The following NPAS3 variants were observed in gnomAD, a reference collection of about 807,000 sequenced individuals.
NPAS3 encodes the protein neuronal PAS domain-containing protein 3.
Under a neutral mutation model 73.1 loss-of-function variants are expected in NPAS3, and 14 were observed. The ratio of observed to expected loss-of-function variants is 0.19; its 90% CI spans 0.13 to 0.30. The LOEUF (loss-of-function observed/expected upper bound fraction) is 0.30. Among genes scored for constraint, NPAS3 ranks in the 10% least tolerant of loss-of-function variants. The probability of loss-of-function intolerance (pLI) is 1.00; values close to 1 mark genes in which losing one functional copy is unlikely to be tolerated. For missense variants in NPAS3, 1,096 were observed against 1,250.0 expected (o/e 0.88, Z 1.86); for synonymous variants, 620 against 541.5 (o/e 1.14, Z -2.01).
chr14:33,038,815 G>A (rs551116271), intron 1 of NPAS3, among the ~76,000 whole-genome samples: 2 of 152,220 alleles, frequency 1.3e-5, no homozygotes, highest in Admixed American at 1.3e-4. Context: ...ATGCTAAAAG[G>A]CATAGTCAAG....
chr14:33,202,463 T>G (rs1254199317), intron 2 of NPAS3, among the ~76,000 whole-genome samples: 1 of 152,068 alleles, frequency 6.6e-6, no homozygotes, highest in Non-Finnish European at 1.5e-5. Context: ...GTAGACTTGG[T>G]TAAAATAACG....
rs909457443 is a variant in NPAS3 at position 32,999,380 on chromosome 14, A to G, written c.51-56525A>G. 1.1e-4 allele frequency among the ~76,000 whole-genome samples: 17 copies of G among 152,160 alleles called. No individual in the cohort carries two copies. In the South Asian group the frequency reaches 3.1e-3, roughly 28 times the overall value. On this transcript the variant is annotated intron_variant, in intron 1 of 11. Transcript: ENST00000356141. ...CAAAAAATTGGCTAGGCGTGGTGGCAGGTGCCTGTAGTCCCAGCTACTCGG... is the reference window on the plus strand; with the variant it reads ...CAAAAAATTGGCTAGGCGTGGTGGCGGGTGCCTGTAGTCCCAGCTACTCGG...
At chr14:33,451,386 G>A (rs2049784515) in intron 4 of NPAS3, among the ~76,000 whole-genome samples, 1 of 152,176 alleles carries the variant, frequency 6.6e-6, no homozygotes, top group Non-Finnish European at 1.5e-5. Context: ...GGCAAAGCCT[G>A]TGGACCTCAG....
intron 3 of NPAS3, among the ~76,000 whole-genome samples, chr14:33,294,819 G>A (rs1216886570): frequency 6.6e-6 from 1 of 152,176 alleles, no homozygotes; most frequent in African/African-American, 2.4e-5. Context: ...GAAAGTGAGG[G>A]AGAGAGCTTT....
intron 7 of NPAS3, among the ~76,000 whole-genome samples, chr14:33,759,472 C>G (rs1005727382): frequency 1.3e-5 from 2 of 152,128 alleles, no homozygotes; most frequent in African/African-American, 4.8e-5. Flanking sequence ...AGTGCTTGCC[C>G]CATCGCAGAG....
chr14:33,510,314 G>A (rs980298761), intron 4 of NPAS3, among the ~76,000 whole-genome samples: 1 of 151,990 alleles, frequency 6.6e-6, no homozygotes, highest in Admixed American at 6.6e-5. Context: ...CCAGACCCCA[G>A]GAAAGGAATT....
intron 2 of NPAS3, among the ~76,000 whole-genome samples, chr14:33,183,629 G>C (rs1453947317): frequency 6.6e-6 from 1 of 151,698 alleles, no homozygotes; most frequent in African/African-American, 2.4e-5. Context: ...TAGTGTCCTG[G>C]TCATTCCCTC....
intron 6 of NPAS3, among the ~76,000 whole-genome samples, chr14:33,693,624 G>T (rs1011175598): frequency 2.0e-5 from 3 of 152,110 alleles, no homozygotes; most frequent in Non-Finnish European, 2.9e-5. Context: ...TCAGTTTCTT[G>T]TAATTATCTC....
intron 4 of NPAS3, among the ~76,000 whole-genome samples, chr14:33,473,517 A>G (rs767287084): frequency 2.0e-5 from 3 of 152,212 alleles, no homozygotes; most frequent in African/African-American, 4.8e-5. Context: ...TTTATTGAGT[A>G]CTTACTAAGT....
At chr14:33,336,069 G>A (rs1451524796) in intron 3 of NPAS3, among the ~76,000 whole-genome samples, 1 of 152,200 alleles carries the variant, frequency 6.6e-6, no homozygotes, top group Non-Finnish European at 1.5e-5. Context: ...CCAGCAATGT[G>A]TGAGGGTTCC....
chr14:33,176,574 A>G (rs559035219), intron 2 of NPAS3, among the ~76,000 whole-genome samples: 3 of 152,350 alleles, frequency 2.0e-5, no homozygotes, highest in African/African-American at 7.2e-5. Context: ...TGGCTGAATA[A>G]TATTCTACTG....
intron 4 of NPAS3, among the ~76,000 whole-genome samples, chr14:33,556,263 C>T (rs1264304483): frequency 7.2e-5 from 11 of 152,108 alleles, no homozygotes; most frequent in African/African-American, 2.4e-4. Context: ...AAAGGATATG[C>T]GTAGACAGCA....
intron 5 of NPAS3, among the ~76,000 whole-genome samples, chr14:33,636,738 T>TCCAGAAAC (rs1303520896): frequency 6.6e-6 from 1 of 152,120 alleles, no homozygotes; most frequent in Non-Finnish European, 1.5e-5. Flanking sequence ...GCTGTGAAAT[T>TCCAGAAAC]CCAGAAACCC....
intron 3 of NPAS3, among the ~76,000 whole-genome samples, chr14:33,305,903 C>T (rs375582157): frequency 3.9e-5 from 6 of 152,132 alleles, no homozygotes; most frequent in African/African-American, 1.4e-4. Context: ...TCTGAATTTG[C>T]AAGTGTAGGC....
chr14:32,996,779 A>C (rs550333427), intron 1 of NPAS3, among the ~76,000 whole-genome samples: 1 of 152,238 alleles, frequency 6.6e-6, no homozygotes, highest in African/African-American at 2.4e-5. Flanking sequence ...GCAGGGGCAG[A>C]GTTCTCATGG....
rs181832663 is a variant in NPAS3 at position 33,772,097 on chromosome 14, C to T, written c.853-2240C>T. ...TTAAAATAGTCAGTCACTAATTAGG[C>T]TTTTGAAAAACACCAAATTAATACT... On this transcript the variant is annotated intron_variant, in intron 7 of 11. Transcript: ENST00000356141. Among the ~76,000 whole-genome samples the T allele has an allele frequency of 3.0e-3, 461 of 152,250 alleles. 2 individuals carry two copies. The highest frequency in any genetic ancestry group is 4.0e-3 in the Non-Finnish European group (271 of 68,018).
chr14:33,492,229 C>A (rs754122335), intron 4 of NPAS3, among the ~76,000 whole-genome samples: 3 of 152,110 alleles, frequency 2.0e-5, no homozygotes, highest in African/African-American at 4.8e-5. Context: ...GCAGTGAGAA[C>A]TGTTAACACC....
chr14:33,378,837 CT>C (rs1225236519), intron 4 of NPAS3, among the ~76,000 whole-genome samples: 1 of 152,070 alleles, frequency 6.6e-6, no homozygotes, highest in African/African-American at 2.4e-5. Flanking sequence ...GGGAACATAT[CT>C]GTGATTCTTT....
chr14:33,123,860 TC>T (rs145496046), intron 2 of NPAS3, among the ~76,000 whole-genome samples: 41,278 of 107,682 alleles, frequency 0.38, 7,089 homozygotes, highest in Middle Eastern at 0.51. Flanking sequence ...TTTCTTTCTT[TC>T]TTTTTTTTTT....
Sources: allele counts gnomAD v4.1 joint callset (sites outside exome capture counted in the v4.1 genomes callset), GRCh38; gene constraint gnomAD v4.1.1; transcripts MANE v1.5; gene names NCBI Gene and HGNC (gene_info 2026-07-23, HGNC 2026-07-21).